Variants in RBFOX1 observed in about 807,000 individuals in gnomAD.
RBFOX1 encodes the protein RNA binding fox-1 homolog 1, also known as RNA binding protein fox-1 homolog 1.
In RBFOX1, 8 loss-of-function variants were observed where a neutral mutation model predicts 57.7. The ratio of observed to expected loss-of-function variants is 0.14; its 90% CI spans 0.08 to 0.25. The LOEUF is 0.25. Ranked by LOEUF, RBFOX1 falls within the 10% of genes least tolerant of loss-of-function variation. RBFOX1 has a pLI of 1.00. For missense variants in RBFOX1, 611 were observed against 548.5 expected, an observed-to-expected ratio of 1.11 and a Z score of -1.14; for synonymous variants, 326 against 222.4, an observed-to-expected ratio of 1.47 and a Z score of -4.15.
At chr16:5,719,336 G>A (rs554800686) in intron 3 of RBFOX1, among the ~76,000 whole-genome samples, 74 of 151,392 alleles carry the variant, frequency 4.9e-4, no homozygotes, top group Admixed American at 3.5e-3. Context: ...CGAGTAACTG[G>A]GACTACAGGC....
chr16:6,142,748 C>G (rs948682865), intron 1 of RBFOX1, among the ~76,000 whole-genome samples: 2 of 152,156 alleles, frequency 1.3e-5, no homozygotes, highest in Non-Finnish European at 2.9e-5. Context: ...ACTGCCTTCT[C>G]CTAAATTGTT....
intron 3 of RBFOX1, among the ~76,000 whole-genome samples, chr16:6,730,103 C>T (rs1483153118): frequency 6.6e-6 from 1 of 152,134 alleles, no homozygotes; most frequent in Admixed American, 6.6e-5. Flanking sequence ...ATCTCTCCAC[C>T]TTGGCAATTC....
chr16:5,470,831 A>G (rs1001651971), intron 2 of RBFOX1, among the ~76,000 whole-genome samples: 20 of 152,088 alleles, frequency 1.3e-4, no homozygotes, highest in Non-Finnish European at 2.6e-4. Context: ...AGCATTTTTC[A>G]TACCAGTGCA....
chr16:6,576,811 A>G (rs752180869), intron 2 of RBFOX1: 4 of 152,224 alleles, frequency 2.6e-5, no homozygotes, highest in Non-Finnish European at 4.4e-5. Context: ...AGCCAAGGCA[A>G]AGATTTCACA....
chr16:7,027,789 A>G (rs1012044292), intron 3 of RBFOX1, among the ~76,000 whole-genome samples: 5 of 152,036 alleles, frequency 3.3e-5, no homozygotes, highest in East Asian at 1.9e-4. Flanking sequence ...TTTATTTTAA[A>G]CAAGAAAAGG....
intron 3 of RBFOX1, among the ~76,000 whole-genome samples, chr16:5,605,232 A>G (rs557945155): frequency 8.9e-4 from 135 of 152,282 alleles, no homozygotes; most frequent in African/African-American, 3.1e-3. Context: ...CTCTGATTCC[A>G]CCACCAACTC....
rs536305897 is a variant in RBFOX1 at position 6,776,802 on chromosome 16, A to C, written c.-16+122152A>C. Among the ~76,000 whole-genome samples the C allele has an allele frequency of 2.0e-5, 3 of 152,364 alleles. No individual in the cohort carries two copies. In the South Asian group the frequency reaches 6.2e-4, roughly 32 times the overall value. On this transcript the variant is annotated intron_variant, in intron 3 of 15. Transcript: ENST00000550418. ...AGAAGTTAAATCTGATACTGTAACA[A>C]GTTACCACCTGGGAACAGAAATGCT...
intron 3 of RBFOX1, among the ~76,000 whole-genome samples, chr16:5,733,030 T>C (rs968948372): frequency 7.2e-5 from 11 of 152,122 alleles, no homozygotes. Flanking sequence ...TGAAAACTCA[T>C]CAAACCCTGT....
At position 6,216,317 on chromosome 16, in the gene RBFOX1, C is replaced by G. The variant is rs187628466; in HGVS notation, c.-126-100678C>G. ...AAAACCCCATACAGATTTTAACCATCTACTAGACAGAGGTGATTTCTTTTA... is the reference window on the plus strand; with the variant it reads ...AAAACCCCATACAGATTTTAACCATGTACTAGACAGAGGTGATTTCTTTTA... On this transcript the variant is annotated intron_variant, in intron 1 of 15. Coordinates refer to ENST00000550418, the MANE Select transcript of RBFOX1 (RefSeq NM_018723.4). Among the ~76,000 whole-genome samples the G allele has an allele frequency of 9.2e-5, 14 of 152,230 alleles. No homozygotes were observed. The East Asian group carries it at 2.5e-3, about 27-fold the overall frequency.
intron 1 of RBFOX1, among the ~76,000 whole-genome samples, chr16:6,161,668 A>T (rs2096880443): frequency 6.6e-6 from 1 of 152,188 alleles, no homozygotes; most frequent in African/African-American, 2.4e-5. Context: ...CCTTTGAAAG[A>T]GCTGGAGCTG....
chr16:7,026,290 C>T (rs1187865191), intron 3 of RBFOX1, among the ~76,000 whole-genome samples: 1 of 152,158 alleles, frequency 6.6e-6, no homozygotes, highest in Non-Finnish European at 1.5e-5. Context: ...GTGGAGATTG[C>T]CACCAGGCCA....
intron 5 of RBFOX1, among the ~76,000 whole-genome samples, chr16:7,543,719 G>A (rs1450373310): frequency 7.2e-5 from 7 of 97,332 alleles, no homozygotes; most frequent in Non-Finnish European, 1.3e-4. Flanking sequence ...GTGTGTGTGT[G>A]TTTATTTTTT....
intron 4 of RBFOX1, among the ~76,000 whole-genome samples, chr16:5,902,631 G>A (rs1249590315): frequency 6.6e-6 from 1 of 152,010 alleles, no homozygotes; most frequent in Non-Finnish European, 1.5e-5. Flanking sequence ...AGCCAGGCTG[G>A]TCTCAAACTC....
chr16:6,799,508 C>G (rs1359571568), intron 3 of RBFOX1, among the ~76,000 whole-genome samples: 1 of 152,008 alleles, frequency 6.6e-6, no homozygotes, highest in Non-Finnish European at 1.5e-5. Context: ...TGAAGGATGC[C>G]TAGAGAGCTG....
In RBFOX1 at chr16:5,495,274, T is replaced by C. The variant is rs568307539; in HGVS notation, c.258+28020T>C. On this transcript the variant is annotated intron_variant, in intron 2 of 2. Transcript: ENST00000585867. ...TGCTTCCATCAGCCTAGCAAAACTTTGGATACCAGTCTTTCCTCTAGAGTC... is the reference window on the plus strand; with the variant it reads ...TGCTTCCATCAGCCTAGCAAAACTTCGGATACCAGTCTTTCCTCTAGAGTC... Among the ~76,000 whole-genome samples, 73 of 152,348 alleles carry C rather than the reference T, an allele frequency of 4.8e-4. 1 individual carries two copies.
intron 3 of RBFOX1, among the ~76,000 whole-genome samples, chr16:7,028,601 CACACACACAAAAAAAAA>C (rs1235864379): frequency 1.6e-4 from 7 of 45,004 alleles, no homozygotes; most frequent in Admixed American, 5.4e-4. Flanking sequence ...CACACACACA[CACACACACAAAAAAAAA>C]AAAAAAAAAA....
At chr16:6,090,700 C>G (rs1207658431) in intron 1 of RBFOX1, among the ~76,000 whole-genome samples, 1 of 152,202 alleles carries the variant, frequency 6.6e-6, no homozygotes, top group Non-Finnish European at 1.5e-5. Context: ...CTTTTGACAA[C>G]CTGCCATCTC....
At chr16:6,661,641 G>T (rs916669565) in intron 3 of RBFOX1, among the ~76,000 whole-genome samples, 5 of 152,180 alleles carry the variant, frequency 3.3e-5, no homozygotes, top group Admixed American at 3.3e-4. Flanking sequence ...CCCAGAGAAA[G>T]ACCCAGAGAC....
chr16:6,357,334 T>G (rs896655640), intron 2 of RBFOX1, among the ~76,000 whole-genome samples: 1 of 151,958 alleles, frequency 6.6e-6, no homozygotes, highest in Non-Finnish European at 1.5e-5. Context: ...ATTGAGAAGT[T>G]AGTGGCTAAT....
Sources: allele counts gnomAD v4.1 joint callset (sites outside exome capture counted in the v4.1 genomes callset), GRCh38; gene constraint gnomAD v4.1.1; transcripts MANE v1.5; gene names NCBI Gene and HGNC (gene_info 2026-07-23, HGNC 2026-07-21).